MAST4: variants seen among roughly 807,000 people sequenced by gnomAD.
MAST4 encodes microtubule-associated serine/threonine-protein kinase 4.
MAST4 carries 89 observed loss-of-function variants against 162.7 expected under a neutral mutation model. That is an observed-to-expected ratio of 0.55 (90% CI 0.46 to 0.65). MAST4 has a LOEUF of 0.65. MAST4 is among the 30% of genes least tolerant of loss of function. The probability of loss-of-function intolerance (pLI) is 0.00; values close to 1 mark genes in which losing one functional copy is unlikely to be tolerated. For synonymous variants in MAST4, 1,479 were observed against 1,361.1 expected, an observed-to-expected ratio of 1.09 and a Z score of -1.91; for missense variants, 3,153 against 3,374.0, an observed-to-expected ratio of 0.93 and a Z score of 1.62.
At chr5:66,970,323 AG>A (rs1747274465) in intron 4 of MAST4, among the ~76,000 whole-genome samples, 1 of 152,214 alleles carries the variant, frequency 6.6e-6, no homozygotes, top group Non-Finnish European at 1.5e-5. Context: ...GTAATGGGGA[AG>A]GGCAAGCATA....
chr5:67,112,017 T>C (rs1198043897), intron 11 of MAST4, among the ~76,000 whole-genome samples: 1 of 152,026 alleles, frequency 6.6e-6, no homozygotes, highest in African/African-American at 2.4e-5. Context: ...AGTATTTACA[T>C]TGGTTTGACT....
At chr5:66,945,723 A>G (rs1465323138) in intron 4 of MAST4, among the ~76,000 whole-genome samples, 4 of 152,146 alleles carry the variant, frequency 2.6e-5, no homozygotes, top group Non-Finnish European at 4.4e-5. Context: ...TAATTTGTCA[A>G]TTAGGTAATT....
At chr5:67,031,014 C>T (rs1348413595) in intron 4 of MAST4, among the ~76,000 whole-genome samples, 1 of 152,036 alleles carries the variant, frequency 6.6e-6, no homozygotes, top group Admixed American at 6.6e-5. Context: ...ATTAACTGTC[C>T]TGTAAAAAGT....
chr5:67,019,424 T>G (rs573761481), intron 4 of MAST4, among the ~76,000 whole-genome samples: 56 of 152,328 alleles, frequency 3.7e-4, no homozygotes, highest in African/African-American at 1.1e-3. Flanking sequence ...TCAGAAACAC[T>G]CCAATTACCA....
In MAST4 at chr5:66,770,270, A is replaced by C. The variant is rs557328374; in HGVS notation, c.517+10408A>C. On this transcript the variant is annotated intron_variant, in intron 2 of 28. Coordinates refer to ENST00000403625, the MANE Select transcript of MAST4 (RefSeq NM_001164664.2). ...TTTGCTATCTAGGTGTTCTAAATAG[A>C]AGGTGTGACTACTTTGATGTATTTT... Among the ~76,000 whole-genome samples, 4 of 152,326 alleles carry C rather than the reference A, an allele frequency of 2.6e-5. No individual in the cohort carries two copies. The East Asian group carries it at 7.7e-4, about 29-fold the overall frequency.
intron 1 of MAST4, among the ~76,000 whole-genome samples, chr5:66,639,280 G>C (rs974695996): frequency 6.8e-6 from 1 of 146,602 alleles, no homozygotes; most frequent in African/African-American, 2.5e-5. Context: ...GAGGCAGCTT[G>C]TGTGTGTGTG....
intron 11 of MAST4, among the ~76,000 whole-genome samples, chr5:67,112,081 A>C (rs1411906762): frequency 1.3e-5 from 2 of 150,650 alleles, no homozygotes; most frequent in Non-Finnish European, 3.0e-5. Flanking sequence ...GCCTTTAAAA[A>C]CTCCTGAGTA....
intron 3 of MAST4, among the ~76,000 whole-genome samples, chr5:66,817,911 T>C (rs1756808537): frequency 2.6e-5 from 4 of 152,186 alleles, no homozygotes; most frequent in African/African-American, 2.4e-5. Flanking sequence ...TAAATTCTTA[T>C]ATAAGCTAGA....
chr5:66,924,495 G>A (rs1580893172), intron 4 of MAST4, among the ~76,000 whole-genome samples: 2 of 151,488 alleles, frequency 1.3e-5, no homozygotes, highest in Admixed American at 1.3e-4. Context: ...CCAGGTTCAC[G>A]CCGTTCTCCT....
chr5:66,830,140 A>T (rs1203543390), intron 3 of MAST4, among the ~76,000 whole-genome samples: 1 of 152,226 alleles, frequency 6.6e-6, no homozygotes. Context: ...TAAAAAGATG[A>T]TTAACTCTGT....
chr5:67,121,795 G>A (rs1767631471), intron 14 of MAST4, among the ~76,000 whole-genome samples: 1 of 152,174 alleles, frequency 6.6e-6, no homozygotes, highest in East Asian at 1.9e-4. Flanking sequence ...GGTTGGATAA[G>A]TGTGATTTAG....
At position 67,165,668 on chromosome 5, in the gene MAST4, G is replaced by A. The variant is rs750408242; in HGVS notation, c.6489G>A (p.Pro2163=). 6.9e-6 allele frequency: 11 copies of A among 1,595,762 alleles called. No individual in the cohort carries two copies. The highest frequency in any genetic ancestry group is 1.3e-5 in the African/African-American group (1 of 74,508). ...CAAGCCACGCTTCTGGCAGAGAGCC[G>A]GGGGCCAAGCCCAGCACTGCAGAGC... ...SSPSHASGRE[P]GAKPSTAEPS... is the part of the protein sequence containing the mutation. The change falls in exon 29 of 29, where the codon CCG becomes CCA. Residue 2163 remains proline, a synonymous_variant. Transcript: ENST00000403625.
At position 66,734,534 on chromosome 5, in the gene MAST4, T is replaced by C. The variant is rs1752047771; in HGVS notation, c.364-25175T>C. Among the ~76,000 whole-genome samples, 3 of 152,250 alleles carry C rather than the reference T, an allele frequency of 2.0e-5. No individual in the cohort carries two copies. The South Asian group carries it at 6.2e-4, about 31-fold the overall frequency. On this transcript the variant is annotated intron_variant, in intron 1 of 28. Coordinates refer to ENST00000403625, the MANE Select transcript of MAST4 (RefSeq NM_001164664.2). ...AACTTAGCCGAAAATGATGTATCTG[T>C]GAATCTGTATACTTTCTGTTCAAGA...
intron 4 of MAST4, among the ~76,000 whole-genome samples, chr5:66,935,497 A>C (rs1427112931): frequency 2.6e-5 from 4 of 151,786 alleles, no homozygotes; most frequent in Non-Finnish European, 5.9e-5. Context: ...CTGTCGTTCT[A>C]GTGTGTCCTT....
chr5:66,600,431 G>A (rs1194448550), intron 1 of MAST4, among the ~76,000 whole-genome samples: 1 of 152,230 alleles, frequency 6.6e-6, no homozygotes, highest in African/African-American at 2.4e-5. Flanking sequence ...AAAACACCCT[G>A]TGATGACTTT....
chr5:66,963,668 C>CAGTAAAA (rs1746297808), intron 4 of MAST4: 1 of 778,864 alleles, frequency 1.3e-6, no homozygotes, highest in African/African-American at 1.7e-5. Flanking sequence ...TTACTGCAAT[C>CAGTAAAA]AATTCTCCCA....
intron 17 of MAST4, 151 bp from the exon 18 acceptor site, chr5:67,134,372 T>C: frequency 1.9e-6 from 1 of 531,420 alleles, no homozygotes; most frequent in Non-Finnish European, 3.2e-6. Flanking sequence ...TAAATATCTT[T>C]TTATAATTGG....
intron 1 of MAST4, among the ~76,000 whole-genome samples, chr5:66,729,261 A>T (rs1751698934): frequency 6.6e-6 from 1 of 152,206 alleles, no homozygotes; most frequent in Admixed American, 6.5e-5. Context: ...CTAGGCTTTG[A>T]AAAGGGATAT....
At chr5:66,666,082 T>G (rs1747238699) in intron 1 of MAST4, among the ~76,000 whole-genome samples, 2 of 152,228 alleles carry the variant, frequency 1.3e-5, no homozygotes, top group Admixed American at 1.3e-4. Context: ...GTTTTCCTAA[T>G]TTGCAACCAG....
Sources: allele counts gnomAD v4.1 joint callset (sites outside exome capture counted in the v4.1 genomes callset), GRCh38; gene constraint gnomAD v4.1.1; transcripts MANE v1.5; gene names NCBI Gene and HGNC (gene_info 2026-07-23, HGNC 2026-07-21).